RASEF: variants seen among roughly 807,000 people sequenced by gnomAD.
RASEF encodes RAS and EF-hand domain containing, also known as ras and EF-hand domain-containing protein.
In RASEF, 68 loss-of-function variants were observed where a neutral mutation model predicts 90.1. That is an observed-to-expected ratio of 0.75 (90% CI 0.62 to 0.92). The LOEUF (loss-of-function observed/expected upper bound fraction) is 0.92. Ranked by LOEUF, RASEF falls within the 40% of genes least tolerant of loss-of-function variation. The pLI is 0.00. For synonymous variants in RASEF, 331 were observed against 345.2 expected (o/e 0.96, Z 0.46); for missense variants, 949 against 937.2 (o/e 1.01, Z -0.16).
At chr9:83,158,982 C>A in the RASEF span, among the ~76,000 whole-genome samples, 2 of 151,422 alleles carry the variant, frequency 1.3e-5, no homozygotes, top group South Asian at 2.1e-4. Context: ...GTCAGGAGAT[C>A]GAGACCATCC....
In RASEF at chr9:83,062,679, G is replaced by A. The variant is rs1830234097; in HGVS notation, c.189C>T (p.Thr63=). The A allele has an allele frequency of 6.3e-7, 1 of 1,575,552 alleles. No homozygotes were observed. Among genetic ancestry groups the A allele is most frequent in the Non-Finnish European group, 8.6e-7 (1 of 1,169,298 alleles). ...GGAAGCCACGCGCGAACTCCTGGAA[G>A]GTGATGGCGCCGTCACGGTCGGCGT... ...RLDADRDGAI[T]FQEFARGFLG... Residue 63 remains threonine (T), a synonymous_variant, in exon 1 of 17, where the codon ACC becomes ACT. Coordinates refer to ENST00000376447, the MANE Select transcript of RASEF (RefSeq NM_152573.4).
chr9:83,118,297 A>G, the RASEF span, among the ~76,000 whole-genome samples: 4,496 of 152,150 alleles, frequency 0.03, 229 homozygotes, highest in African/African-American at 0.1. Context: ...TCACAGTAAT[A>G]TTTTCCTTTA....
At chr9:82,984,453 C>G (rs1217150981) in intron 16 of RASEF, among the ~76,000 whole-genome samples, 1 of 152,110 alleles carries the variant, frequency 6.6e-6, no homozygotes, top group Admixed American at 6.6e-5. Context: ...AAGAAGACAT[C>G]TCAGCAGGGA....
chr9:83,053,484 C>T (rs376972528), intron 1 of RASEF, among the ~76,000 whole-genome samples: 3 of 133,562 alleles, frequency 2.2e-5, no homozygotes, highest in East Asian at 2.3e-4. Context: ...CTGATGGGTC[C>T]TGACTCTTTA....
chr9:83,096,371 A>G, the RASEF span, among the ~76,000 whole-genome samples: 1 of 152,208 alleles, frequency 6.6e-6, no homozygotes, highest in Non-Finnish European at 1.5e-5. Flanking sequence ...AAAGACATTA[A>G]GGATAATATA....
At chr9:83,005,728 G>A (rs1048653718) in intron 7 of RASEF, among the ~76,000 whole-genome samples, 1 of 152,226 alleles carries the variant, frequency 6.6e-6, no homozygotes, top group Admixed American at 6.5e-5. Flanking sequence ...GGGCCTTGCA[G>A]GAATCAACTG....
At chr9:83,117,560 C>T in the RASEF span, among the ~76,000 whole-genome samples, 1 of 152,154 alleles carries the variant, frequency 6.6e-6, no homozygotes, top group Non-Finnish European at 1.5e-5. Flanking sequence ...TCTCTAATGC[C>T]ACCTTATCTG....
At chr9:82,997,171 A>G (rs943172451) in intron 13 of RASEF, 45 bp from the exon 14 acceptor site, 9 of 1,191,306 alleles carry the variant, frequency 7.6e-6, no homozygotes, top group African/African-American at 1.5e-5. Context: ...GTGTTGCCTC[A>G]TTCTTCTTCT....
chr9:83,059,764 G>T (rs1417112697), intron 1 of RASEF, among the ~76,000 whole-genome samples: 1 of 152,006 alleles, frequency 6.6e-6, no homozygotes, highest in South Asian at 2.1e-4. Flanking sequence ...AGTGGTCAAG[G>T]CCCATCCTGA....
At position 83,062,418 on chromosome 9, in the gene RASEF, C is replaced by T. The variant is rs1238754626; in HGVS notation, c.431+19G>A. 1.9e-6 allele frequency: 3 copies of T among 1,610,906 alleles called. No individual in the cohort carries two copies. The African/African-American group carries it at 4.0e-5, about 22-fold the overall frequency. On this transcript the variant is annotated intron_variant, in intron 1 of 16. Transcript: ENST00000376447. ...AGGAAGCGCCAGAATAACCTCCCGC[C>T]CCCAGCTCACACTCGCACCTGGGAA...
intron 1 of RASEF, among the ~76,000 whole-genome samples, chr9:83,029,011 C>T (rs1829595363): frequency 6.6e-6 from 1 of 152,142 alleles, no homozygotes; most frequent in Non-Finnish European, 1.5e-5. Flanking sequence ...CTGATACAGT[C>T]ATATCAGACT....
the RASEF span, among the ~76,000 whole-genome samples, chr9:83,180,837 A>G: frequency 6.8e-6 from 1 of 147,904 alleles, no homozygotes; most frequent in African/African-American, 2.7e-5. Flanking sequence ...AAATGAGACT[A>G]GACATGTAAG....
the RASEF span, among the ~76,000 whole-genome samples, chr9:83,109,235 TAAAG>T: frequency 6.6e-6 from 1 of 152,182 alleles, no homozygotes; most frequent in Non-Finnish European, 1.5e-5. Flanking sequence ...TAATGAGTAA[TAAAG>T]AAATGGATGA....
chr9:83,042,972 C>T (rs2118647375), intron 1 of RASEF, among the ~76,000 whole-genome samples: 1 of 152,298 alleles, frequency 6.6e-6, no homozygotes. Context: ...GCTGAACCAC[C>T]ATCTCCACAA....
chr9:83,062,967 G>A lies in RASEF; in HGVS notation c.-100C>T. On this transcript the variant is annotated 5_prime_UTR_variant, in exon 1 of 17. Transcript: ENST00000376447. ...ACCTGCTGCCGCCGGGAGGCCCGGCGAGTTTGGCTCGTCCGGCTGGTTCGG... is the reference window on the plus strand; with the variant it reads ...ACCTGCTGCCGCCGGGAGGCCCGGCAAGTTTGGCTCGTCCGGCTGGTTCGG... 2.4e-6 allele frequency: 3 copies of A among 1,265,256 alleles called. No homozygotes were observed. Among genetic ancestry groups the A allele is most frequent in the Non-Finnish European group, 3.1e-6 (3 of 978,620 alleles). The allele number at this position is 1,265,256 out of a possible 1,614,324, so 78.4% of individuals were successfully genotyped here. A position where few individuals can be genotyped will look rare whatever the true frequency, so the allele number is the denominator to read the frequency against.
chr9:83,062,894 G>A lies in RASEF; in HGVS notation c.-27C>T, dbSNP rs2117933538. 7.1e-7 allele frequency: 1 copy of A among 1,416,814 alleles called. No individual in the cohort carries two copies. The highest frequency in any genetic ancestry group is 9.1e-7 in the Non-Finnish European group (1 of 1,098,268). 87.8% of individuals were successfully genotyped at this position (1,416,814 alleles called of 1,614,324 possible). A position where few individuals can be genotyped will look rare whatever the true frequency, so the allele number is the denominator to read the frequency against. On this transcript the variant is annotated 5_prime_UTR_variant, in exon 1 of 17. Transcript: ENST00000376447. ...CCGCCTGGCGGGGGCGGCCGAGAGG[G>A]CTCCGGAGCGCCGCGGGGCGCAGGG...
chr9:83,159,454 A>G, the RASEF span, among the ~76,000 whole-genome samples: 1 of 152,172 alleles, frequency 6.6e-6, no homozygotes, highest in African/African-American at 2.4e-5. Context: ...GAAAAGCTCC[A>G]ATTATAAAAA....
At chr9:83,056,308 C>G (rs990311977) in intron 1 of RASEF, among the ~76,000 whole-genome samples, 8 of 152,154 alleles carry the variant, frequency 5.3e-5, no homozygotes, top group Non-Finnish European at 1.0e-4. Flanking sequence ...GGGAGACAGA[C>G]AAGTGTTTAC....
At chr9:83,002,054 C>T (rs970793660) in intron 9 of RASEF, among the ~76,000 whole-genome samples, 1 of 152,156 alleles carries the variant, frequency 6.6e-6, no homozygotes, top group Non-Finnish European at 1.5e-5. Context: ...TTTACTTTAG[C>T]TTTTCCATTT....
Sources: gnomAD v4.1 joint callset for allele counts (sites outside exome capture counted in the v4.1 genomes callset) on GRCh38, gnomAD v4.1.1 for gene constraint, MANE v1.5 for transcripts, NCBI Gene and HGNC (gene_info 2026-07-23, HGNC 2026-07-21) for gene names.